GSKIP: variants seen among roughly 807,000 people sequenced by gnomAD.
The protein encoded by GSKIP is GSK3B-interacting protein.
GSKIP carries 5 observed loss-of-function variants against 11.9 expected under a neutral mutation model. The ratio of observed to expected loss-of-function variants is 0.42; its 90% confidence interval spans 0.22 to 0.89. The LOEUF (loss-of-function observed/expected upper bound fraction) is 0.89. Ranked by LOEUF, GSKIP falls within the 40% of genes least tolerant of loss-of-function variation. GSKIP has a pLI of 0.29. For missense variants in GSKIP, 150 were observed against 166.6 expected (o/e 0.90, Z 0.55); for synonymous variants, 70 against 62.9 (o/e 1.11, Z -0.54).
intron 1 of GSKIP, among the ~76,000 whole-genome samples, chr14:96,368,731 C>G (rs1888967130): frequency 1.3e-5 from 2 of 152,082 alleles, no homozygotes; most frequent in African/African-American, 4.8e-5. Flanking sequence ...TCCCCTACTC[C>G]CTCTTTCTCT....
intron 1 of GSKIP, chr14:96,379,132 A>G (rs1211160923): frequency 3.3e-5 from 5 of 152,214 alleles, no homozygotes; most frequent in Non-Finnish European, 7.3e-5. Context: ...AGCCTGGCCA[A>G]CATGGTGAAA....
intron 1 of GSKIP, among the ~76,000 whole-genome samples, chr14:96,365,521 C>T (rs1470133243): frequency 6.6e-6 from 1 of 151,722 alleles, no homozygotes; most frequent in East Asian, 1.9e-4. Context: ...CATGTAGGGC[C>T]TCGTAGGCCA....
intron 3 of GSKIP, among the ~76,000 whole-genome samples, chr14:96,383,484 A>G (rs549920707): frequency 6.6e-6 from 1 of 152,296 alleles, no homozygotes; most frequent in South Asian, 2.1e-4. Flanking sequence ...TAACCTTACT[A>G]ATCAGTGAAT....
intron 2 of GSKIP, among the ~76,000 whole-genome samples, chr14:96,381,955 T>A (rs1293198019): frequency 6.6e-6 from 1 of 152,192 alleles, no homozygotes; most frequent in Non-Finnish European, 1.5e-5. Context: ...TACTGAGGCA[T>A]TATTCAAAAT....
intron 1 of GSKIP, among the ~76,000 whole-genome samples, chr14:96,378,276 C>T (rs1227528378): frequency 2.0e-5 from 3 of 152,074 alleles, no homozygotes; most frequent in African/African-American, 7.2e-5. Context: ...ATCATTTGAG[C>T]CTGAGATTGT....
At chr14:96,377,974 A>G (rs530831333) in intron 1 of GSKIP, among the ~76,000 whole-genome samples, 4 of 152,314 alleles carry the variant, frequency 2.6e-5, no homozygotes, top group South Asian at 2.1e-4. Flanking sequence ...AGAGAAGGCA[A>G]TGGGCTTGGC....
intron 1 of GSKIP, among the ~76,000 whole-genome samples, chr14:96,376,800 A>G (rs1889215176): frequency 6.6e-6 from 1 of 152,192 alleles, no homozygotes; most frequent in Non-Finnish European, 1.5e-5. Flanking sequence ...TTAGTATTCT[A>G]GTGCTTAAAA....
chr14:96,380,479 C>G (rs1889315579), intron 2 of GSKIP, among the ~76,000 whole-genome samples: 1 of 152,088 alleles, frequency 6.6e-6, no homozygotes, highest in Non-Finnish European at 1.5e-5. Flanking sequence ...AACTCGTCTT[C>G]CAGAGATTTT....
At chr14:96,367,112 T>C (rs1351962319) in intron 1 of GSKIP, among the ~76,000 whole-genome samples, 2 of 152,206 alleles carry the variant, frequency 1.3e-5, no homozygotes, top group African/African-American at 4.8e-5. Context: ...TAGTGTTAAA[T>C]ACTTTTAATA....
rs117516055 is a variant in GSKIP at position 96,376,510 on chromosome 14, G to A, written c.-102-3178G>A. Among the ~76,000 whole-genome samples the A allele has an allele frequency of 4.4e-3, 675 of 152,286 alleles. 26 individuals carry two copies. The South Asian group carries it at 0.067, about 15-fold the overall frequency. On this transcript the variant is annotated intron_variant, in intron 1 of 3. Transcript: ENST00000555181. ...ATAGAATGTCAAAGCTCTTAGAACA[G>A]TAAAGAATTTTCTGCCTATTTACCT...
intron 1 of GSKIP, among the ~76,000 whole-genome samples, chr14:96,377,231 G>A (rs1049709080): frequency 5.3e-5 from 8 of 152,128 alleles, no homozygotes; most frequent in African/African-American, 1.9e-4. Context: ...TGTATTGGAG[G>A]GCAACAATAA....
Position 96,385,675 on chromosome 14 carries a change from A to G in GSKIP, c.411A>G (p.Gly137=). 1 of 1,611,664 alleles carries G rather than the reference A, an allele frequency of 6.2e-7. No homozygotes were observed. Among genetic ancestry groups the G allele is most frequent in the Non-Finnish European group, 8.5e-7 (1 of 1,179,102 alleles). Residue 137 remains glycine, a synonymous_variant, in exon 4 of 4, where the codon GGA becomes GGG. Coordinates refer to ENST00000555181, the MANE Select transcript of GSKIP (RefSeq NM_016472.5). ...LQRLEALKRD[G]QS is the part of the protein sequence containing the mutation. ...GACTGGAAGCTTTGAAAAGAGATGGACAGTCATGACTACACTTTTTCCTTT... is the reference window on the plus strand; with the variant it reads ...GACTGGAAGCTTTGAAAAGAGATGGGCAGTCATGACTACACTTTTTCCTTT...
intron 1 of GSKIP, 140 bp downstream of exon 1, chr14:96,363,708 T>G (rs1888769012): frequency 1.3e-5 from 2 of 152,252 alleles, no homozygotes; most frequent in East Asian, 3.9e-4. Flanking sequence ...GGCGGCAGGC[T>G]GCAGGGGCCC....
chr14:96,365,401 G>C (rs1351049053), intron 1 of GSKIP: 3 of 147,842 alleles, frequency 2.0e-5, no homozygotes, highest in African/African-American at 7.5e-5. Flanking sequence ...CCCTGTCACG[G>C]GAGAATGCTT....
chr14:96,381,379 G>T (rs928872527), intron 2 of GSKIP, among the ~76,000 whole-genome samples: 2 of 152,174 alleles, frequency 1.3e-5, no homozygotes, highest in Non-Finnish European at 2.9e-5. Flanking sequence ...TGGTACAGTT[G>T]GCTATCCATT....
chr14:96,377,119 C>A (rs1889223755), intron 1 of GSKIP, among the ~76,000 whole-genome samples: 1 of 152,178 alleles, frequency 6.6e-6, no homozygotes. Context: ...CCATCTGATA[C>A]AGTGGCCACT....
intron 1 of GSKIP, among the ~76,000 whole-genome samples, chr14:96,370,072 A>G (rs1159159468): frequency 6.6e-6 from 1 of 152,174 alleles, no homozygotes; most frequent in Non-Finnish European, 1.5e-5. Flanking sequence ...TTGGAACTTG[A>G]AGGTTTAATG....
At position 96,386,745 on chromosome 14, in the gene GSKIP, T is replaced by A. The variant is rs1447519646; in HGVS notation, c.*1061T>A. On this transcript the variant is annotated 3_prime_UTR_variant, in exon 4 of 4. Transcript: ENST00000555181. ...GACTTAATATTTGAAAAAGGAATAG[T>A]CAGTATTTTATATTTTATTACAGGT... The A allele has an allele frequency of 6.6e-6, 1 of 152,652 alleles. No homozygotes were observed. The highest frequency in any genetic ancestry group is 1.9e-4 in the East Asian group (1 of 5,202). 9.5% of individuals were successfully genotyped at this position (152,652 alleles called of 1,614,324 possible). A position where few individuals can be genotyped will look rare whatever the true frequency, so the allele number is the denominator to read the frequency against.
chr14:96,373,997 C>G (rs1889130253), intron 1 of GSKIP, among the ~76,000 whole-genome samples: 1 of 152,150 alleles, frequency 6.6e-6, no homozygotes, highest in East Asian at 1.9e-4. Context: ...CAGAATATAA[C>G]CTACAATTGA....
Sources: gnomAD v4.1 joint callset for allele counts (sites outside exome capture counted in the v4.1 genomes callset) on GRCh38, gnomAD v4.1.1 for gene constraint, MANE v1.5 for transcripts, NCBI Gene and HGNC (gene_info 2026-07-23, HGNC 2026-07-21) for gene names.